FOCAD: variants seen among roughly 807,000 people sequenced by gnomAD.
The protein encoded by FOCAD is KIAA1797.
FOCAD carries 198 observed loss-of-function variants against 225.6 expected under a neutral mutation model. The observed-to-expected ratio is 0.88, with a 90% CI of 0.78 to 0.99. The LOEUF (loss-of-function observed/expected upper bound fraction) is 0.99. FOCAD is among the 50% of genes least tolerant of loss of function. FOCAD has a pLI of 0.00. For synonymous variants in FOCAD, 897 were observed against 755.0 expected (o/e 1.19, Z -3.08); for missense variants, 2,713 against 2,123.6 (o/e 1.28, Z -5.46).
intron 7 of FOCAD, among the ~76,000 whole-genome samples, chr9:20,767,829 A>G (rs1156542972): frequency 6.6e-6 from 1 of 150,632 alleles, no homozygotes; most frequent in African/African-American, 2.4e-5. Flanking sequence ...CTTTAGTTTA[A>G]TTAGATCCCA....
At position 20,715,398 on chromosome 9, in the gene FOCAD, T is replaced by C; in HGVS notation, c.45T>C (p.Leu15=). 1 of 1,518,150 alleles carries C rather than the reference T, an allele frequency of 6.6e-7. No homozygotes were observed. Among genetic ancestry groups the C allele is most frequent in the Admixed American group, 1.8e-5 (1 of 54,592 alleles). The allele number at this position is 1,518,150 out of a possible 1,614,324, so 94.0% of individuals were successfully genotyped here. Residue 15 remains leucine (L), a synonymous_variant, in exon 2 of 44, where the codon CTT becomes CTC. Transcript: ENST00000338382. ...AAAGGTTTGAATTTCCAAATTCTCT[T>C]ATCCAATCACAGGTAATTTTGTTTG... The part of the protein sequence containing the change: ...IRKRFEFPNS[L]IQSQAVGHLI...
intron 35 of FOCAD, among the ~76,000 whole-genome samples, chr9:20,971,760 C>G (rs182814121): frequency 6.6e-5 from 10 of 152,042 alleles, no homozygotes; most frequent in Admixed American, 6.6e-4. Flanking sequence ...CCCTTTCCCC[C>G]ACCCCTCTCC....
chr9:20,710,696 G>C (rs1824777999), intron 1 of FOCAD, among the ~76,000 whole-genome samples: 1 of 151,872 alleles, frequency 6.6e-6, no homozygotes, highest in African/African-American at 2.4e-5. Context: ...CCCAATGTAA[G>C]AAATTTCCTT....
chr9:20,676,680 G>A (rs946569808), intron 2 of FOCAD, among the ~76,000 whole-genome samples: 2 of 152,072 alleles, frequency 1.3e-5, no homozygotes, highest in Admixed American at 6.6e-5. Flanking sequence ...AGTTCCAATA[G>A]CATTTTTGGA....
chr9:20,741,091 A>G (rs1827576627), intron 5 of FOCAD, among the ~76,000 whole-genome samples: 1 of 152,154 alleles, frequency 6.6e-6, no homozygotes, highest in South Asian at 2.1e-4. Flanking sequence ...CAAAAGAATG[A>G]CAGCATGGAA....
chr9:20,866,876 T>C, intron 17 of FOCAD, 53 bp from the exon 18 acceptor site: 2 of 1,147,570 alleles, frequency 1.7e-6, no homozygotes, highest in Non-Finnish European at 2.5e-6. Flanking sequence ...GTTGTGTTTT[T>C]TTGTTTGCTT....
chr9:20,839,390 C>G (rs963908634), intron 15 of FOCAD, among the ~76,000 whole-genome samples: 1 of 151,684 alleles, frequency 6.6e-6, no homozygotes, highest in Non-Finnish European at 1.5e-5. Flanking sequence ...TTCCAAGTAG[C>G]TGGGACTACA....
At chr9:20,721,852 G>A (rs1156992107) in intron 4 of FOCAD, among the ~76,000 whole-genome samples, 2 of 144,116 alleles carry the variant, frequency 1.4e-5, no homozygotes, top group Non-Finnish European at 3.0e-5. Flanking sequence ...TCTTAATTTT[G>A]CCCTGTTCTG....
At position 20,906,869 on chromosome 9, in the gene FOCAD, A is replaced by G. The variant is rs576448403; in HGVS notation, c.2626-281A>G. Among the ~76,000 whole-genome samples, 253 of 152,114 alleles carry G rather than the reference A, an allele frequency of 1.7e-3. 1 individual carries two copies. Among genetic ancestry groups the G allele is most frequent in the African/African-American group, 5.8e-3 (240 of 41,528 alleles). On this transcript the variant is annotated intron_variant, in intron 21 of 43. Transcript: ENST00000338382. ...GTTTCCCCCTAATTTTCGAGGGTTGATTTGTATTACATGTACATTTTAACT... is the reference window on the plus strand; with the variant it reads ...GTTTCCCCCTAATTTTCGAGGGTTGGTTTGTATTACATGTACATTTTAACT...
At chr9:20,854,458 A>G (rs1297550962) in intron 15 of FOCAD, among the ~76,000 whole-genome samples, 10 of 151,728 alleles carry the variant, frequency 6.6e-5, no homozygotes, top group African/African-American at 1.9e-4. Context: ...AAAGAGTTTG[A>G]GGGAAATTAA....
At chr9:20,941,190 A>G (rs1258216259) in intron 28 of FOCAD, among the ~76,000 whole-genome samples, 2 of 152,108 alleles carry the variant, frequency 1.3e-5, no homozygotes, top group Admixed American at 6.5e-5. Flanking sequence ...TCCCGATTTA[A>G]TGGACATCTC....
At chr9:20,833,251 G>C (rs1825688055) in intron 15 of FOCAD, among the ~76,000 whole-genome samples, 1 of 151,940 alleles carries the variant, frequency 6.6e-6, no homozygotes, top group African/African-American at 2.4e-5. Context: ...CATGATTAGT[G>C]ATGTTGAGCA....
intron 6 of FOCAD, among the ~76,000 whole-genome samples, chr9:20,759,173 A>G (rs574245660): frequency 2.4e-4 from 37 of 152,296 alleles, no homozygotes; most frequent in South Asian, 1.5e-3. Flanking sequence ...AATCAATATC[A>G]TGAAAATGGC....
intron 33 of FOCAD, among the ~76,000 whole-genome samples, chr9:20,950,202 AT>A (rs1207210750): frequency 1.3e-5 from 2 of 152,194 alleles, no homozygotes; most frequent in African/African-American, 2.4e-5. Flanking sequence ...GCTGAAAAAA[AT>A]ATCACTGATG....
intron 1 of FOCAD, among the ~76,000 whole-genome samples, chr9:20,706,466 T>C (rs1397151131): frequency 6.6e-6 from 1 of 152,190 alleles, no homozygotes; most frequent in African/African-American, 2.4e-5. Context: ...ATGTAAATTT[T>C]CTCAGTACTT....
chr9:20,981,220 T>C (rs1840669813), intron 37 of FOCAD, among the ~76,000 whole-genome samples: 1 of 152,168 alleles, frequency 6.6e-6, no homozygotes, highest in Non-Finnish European at 1.5e-5. Context: ...TGATTCACCC[T>C]GGATCAGAAG....
At chr9:20,861,132 T>G (rs1317180926) in intron 15 of FOCAD, among the ~76,000 whole-genome samples, 1 of 152,224 alleles carries the variant, frequency 6.6e-6, no homozygotes, top group Non-Finnish European at 1.5e-5. Flanking sequence ...CCTCCATAGA[T>G]TCCTCTTGAA....
rs771611738 is a variant in FOCAD at position 20,717,855 on chromosome 9, AATC to A, written c.120_122del (p.Gln40_Ser41delinsHis). 1 of 1,612,248 alleles carries A rather than the reference AATC, an allele frequency of 6.2e-7. No individual in the cohort carries two copies. The highest frequency in any genetic ancestry group is 8.5e-7 in the Non-Finnish European group (1 of 1,179,080). On this transcript the variant is annotated inframe_deletion, in exon 3 of 44. Transcript: ENST00000338382. Reference sequence around the variant, plus strand: ...AATGGTTTTTCAGAAAAGATTCACCAATCTACAAATCAGGTCTGTGTTTAACTT... The same window carrying A: ...AATGGTTTTTCAGAAAAGATTCACCATACAAATCAGGTCTGTGTTTAACTT...
chr9:20,836,887 ATTG>A (rs1195154351), intron 15 of FOCAD, among the ~76,000 whole-genome samples: 1 of 152,038 alleles, frequency 6.6e-6, no homozygotes, highest in Non-Finnish European at 1.5e-5. Context: ...TCTTTAATTG[ATTG>A]TTTTATTAAG....
Sources: gnomAD v4.1 joint callset for allele counts (sites outside exome capture counted in the v4.1 genomes callset) on GRCh38, gnomAD v4.1.1 for gene constraint, MANE v1.5 for transcripts, NCBI Gene and HGNC (gene_info 2026-07-23, HGNC 2026-07-21) for gene names.